GSN: variants seen among roughly 807,000 people sequenced by gnomAD.
The protein encoded by GSN is gelsolin.
A neutral mutation model predicts 85.7 loss-of-function variants in GSN; 56 were observed. That is an observed-to-expected ratio of 0.65 (90% CI 0.53 to 0.82). GSN has a LOEUF of 0.82. Ranked by LOEUF, GSN falls within the 40% of genes least tolerant of loss-of-function variation. GSN has a pLI of 0.00. For synonymous variants in GSN, 373 were observed against 399.1 expected, an observed-to-expected ratio of 0.93 and a Z score of 0.78; for missense variants, 857 against 979.8, an observed-to-expected ratio of 0.87 and a Z score of 1.67.
At chr9:121,272,092 T>C (rs2056060425) in intron 1 of GSN, among the ~76,000 whole-genome samples, 3 of 152,196 alleles carry the variant, frequency 2.0e-5, no homozygotes, top group African/African-American at 7.2e-5. Flanking sequence ...AGTAAAAATA[T>C]CTCCTCGCTT....
upstream of GSN, among the ~76,000 whole-genome samples, chr9:121,206,697 C>T (rs985157120): frequency 2.6e-5 from 4 of 151,458 alleles, no homozygotes; most frequent in Non-Finnish European, 5.9e-5. Flanking sequence ...TTGGTGGTTT[C>T]GACTTAAGAG....
At chr9:121,221,203 G>A (rs970436436) in intron 4 of GSN, among the ~76,000 whole-genome samples, 1 of 152,158 alleles carries the variant, frequency 6.6e-6, no homozygotes, top group Admixed American at 6.5e-5. Flanking sequence ...TTTATTGTCC[G>A]AAACTTCTCC....
chr9:121,281,942 G>A (rs2057429433), intron 2 of GSN: 1 of 471,498 alleles, frequency 2.1e-6, no homozygotes, highest in Non-Finnish European at 4.4e-6. Context: ...TCTTCCCAGA[G>A]GCTTTGGAGA....
chr9:121,278,450 A>C (rs913764), intron 1 of GSN, among the ~76,000 whole-genome samples: 109,954 of 152,092 alleles, frequency 0.72, 40,070 homozygotes, highest in South Asian at 0.81. Context: ...CTGCTCCAGT[A>C]TCCCCCCATC....
Position 121,299,977 on chromosome 9 carries a change from CGCCCCAGGGGCGGGT to C in GSN, c.-9-1981_-9-1967del, listed in dbSNP as rs1564469707. On this transcript the variant is annotated intron_variant, in intron 2 of 17. Transcript: ENST00000432226. The surrounding 1 kb of genome is among the most constrained non-coding windows in gnomAD (Gnocchi z 4.2). Reference sequence around the variant, plus strand: ...TCGCGGGGGGCGTCCCAGGCGGGGGCGCCCCAGGGGCGGGTGCCCGAGGCGCGGGTGAGTGCCCGG... The same window carrying C: ...TCGCGGGGGGCGTCCCAGGCGGGGGCGCCCGAGGCGCGGGTGAGTGCCCGG... 1 of 1,342,112 alleles carries C rather than the reference CGCCCCAGGGGCGGGT, an allele frequency of 7.5e-7. No homozygotes were observed. The highest frequency in any genetic ancestry group is 1.5e-5 in the African/African-American group (1 of 65,998). The allele number at this position is 1,342,112 out of a possible 1,614,324, so 83.1% of individuals were successfully genotyped here.
Position 121,299,318 on chromosome 9 carries a change from G to A in GSN, c.-9-2645G>A. ...CTGCGGCGCATGCTGCCTGGTGGGGGTTCTGCCCAGGCCCACTACGGCCTG... is the reference window on the plus strand; with the variant it reads ...CTGCGGCGCATGCTGCCTGGTGGGGATTCTGCCCAGGCCCACTACGGCCTG... On this transcript the variant is annotated intron_variant, in intron 2 of 17. Transcript: ENST00000432226. This position sits in a 1 kb window ranked among gnomAD's most constrained non-coding sequence, Gnocchi z 4.2. 1 of 984,806 alleles carries A rather than the reference G, an allele frequency of 1.0e-6. No homozygotes were observed. Among genetic ancestry groups the A allele is most frequent in the Non-Finnish European group, 1.2e-6 (1 of 829,400 alleles). The allele number at this position is 984,806 out of a possible 1,614,324, so 61.0% of individuals were successfully genotyped here. A position where few individuals can be genotyped will look rare whatever the true frequency, so the allele number is the denominator to read the frequency against.
intron 4 of GSN, among the ~76,000 whole-genome samples, chr9:121,225,962 G>T (rs2054265480): frequency 6.6e-6 from 1 of 152,112 alleles, no homozygotes; most frequent in Non-Finnish European, 1.5e-5. Flanking sequence ...CTGCCACCAT[G>T]CCTGGCTAAG....
chr9:121,321,570 G>A (rs1335214936), intron 11 of GSN, among the ~76,000 whole-genome samples, 169 bp downstream of exon 11: 2 of 152,128 alleles, frequency 1.3e-5, no homozygotes, highest in African/African-American at 4.8e-5. Context: ...AAACAACTTT[G>A]AAACTCTTCT....
At chr9:121,317,336 A>C (rs115292620) in intron 8 of GSN, 118 bp downstream of exon 8, 1 of 1,165,650 alleles carries the variant, frequency 8.6e-7, no homozygotes, top group African/African-American at 1.5e-5. Flanking sequence ...AATGGAAATC[A>C]GAAGTCTTGG....
rs560695868 is a variant in GSN, at chr9:121,295,709, C to T, written c.-9-6254C>T. ...TCAACTACAGGGGAGGGAGGGGTCCCCCAGGGGGACATGGGCTGTACAGCC... is the reference window on the plus strand; with the variant it reads ...TCAACTACAGGGGAGGGAGGGGTCCTCCAGGGGGACATGGGCTGTACAGCC... On this transcript the variant is annotated intron_variant, in intron 2 of 17. Transcript: ENST00000432226. Among the ~76,000 whole-genome samples, 3 of 152,206 alleles carry T rather than the reference C, an allele frequency of 2.0e-5. No homozygotes were observed. In the East Asian group the frequency reaches 5.8e-4, roughly 30 times the overall value.
chr9:121,331,153 ACGG>A (rs1056204246), intron 16 of GSN, among the ~76,000 whole-genome samples: 6 of 152,212 alleles, frequency 3.9e-5, no homozygotes, highest in Admixed American at 2.0e-4. Flanking sequence ...TTATGTCATA[ACGG>A]TTTAAAAAGA....
At chr9:121,240,433 A>C (rs374207424) in intron 5 of GSN, among the ~76,000 whole-genome samples, 7 of 152,362 alleles carry the variant, frequency 4.6e-5, no homozygotes, top group African/African-American at 1.7e-4. Flanking sequence ...AAGAGAATGT[A>C]CTGGAAGTAT....
chr9:121,291,889 T>G (rs757488809), intron 2 of GSN, among the ~76,000 whole-genome samples: 24 of 151,620 alleles, frequency 1.6e-4, no homozygotes, highest in Non-Finnish European at 3.2e-4. Context: ...GCCCTCACTT[T>G]TTTGTTTTTG....
At chr9:121,255,552 C>T (rs991935654) in intron 6 of GSN, among the ~76,000 whole-genome samples, 1 of 152,228 alleles carries the variant, frequency 6.6e-6, no homozygotes. Context: ...TCTATTCTTT[C>T]CCCTCTTTAT....
intron 1 of GSN, among the ~76,000 whole-genome samples, chr9:121,273,835 A>C (rs2056316855): frequency 6.6e-6 from 1 of 152,246 alleles, no homozygotes; most frequent in African/African-American, 2.4e-5. Flanking sequence ...AAAAAATGAA[A>C]TAATGCTTTT....
chr9:121,209,201 G>A (rs2053930062), intron 1 of GSN: 1 of 152,272 alleles, frequency 6.6e-6, no homozygotes, highest in Non-Finnish European at 1.5e-5. Flanking sequence ...CTGCTGAAGG[G>A]AGCAGGGCTG....
upstream of GSN, chr9:121,203,192 G>A (rs753476474): frequency 1.3e-5 from 2 of 152,324 alleles, no homozygotes; most frequent in Non-Finnish European, 2.9e-5. Flanking sequence ...CTAGCTACTG[G>A]GGAGGCTGAG....
At chr9:121,216,136 C>T (rs1170646846) in intron 4 of GSN, among the ~76,000 whole-genome samples, 3 of 152,056 alleles carry the variant, frequency 2.0e-5, no homozygotes, top group East Asian at 1.9e-4. Context: ...TTAGTAGAGA[C>T]GGGTTTTTGC....
intron 5 of GSN, 39 bp downstream of exon 5, chr9:121,310,884 T>A (rs754966044): frequency 1.3e-6 from 2 of 1,595,260 alleles, no homozygotes; most frequent in Non-Finnish European, 1.7e-6. Flanking sequence ...GCCACTGAGG[T>A]GCTCCTGGTC....
Sources: allele counts gnomAD v4.1 joint callset (sites outside exome capture counted in the v4.1 genomes callset), GRCh38; gene constraint gnomAD v4.1.1; non-coding constraint Gnocchi (gnomAD v3.1); transcripts MANE v1.5; gene names NCBI Gene and HGNC (gene_info 2026-07-23, HGNC 2026-07-21).